Variants in STIM1 observed in about 807,000 individuals in gnomAD.
STIM1 encodes stromal interaction molecule 1.
A neutral mutation model predicts 74.7 loss-of-function variants in STIM1; 25 were observed. The observed-to-expected ratio is 0.33, with a 90% CI of 0.24 to 0.47. STIM1 has a LOEUF of 0.47. Ranked by LOEUF, STIM1 falls within the 20% of genes least tolerant of loss-of-function variation. The pLI, the probability that STIM1 is intolerant of heterozygous loss-of-function variation, is 1.00. For missense variants in STIM1, 728 were observed against 920.8 expected (o/e 0.79, Z 2.71); for synonymous variants, 328 against 348.8 (o/e 0.94, Z 0.66).
chr11:3,903,915 A>T (rs1011225685), intron 1 of STIM1, among the ~76,000 whole-genome samples: 2 of 152,086 alleles, frequency 1.3e-5, no homozygotes, highest in East Asian at 3.9e-4. Flanking sequence ...TGTCCTGGGA[A>T]AGGCTGGGCT....
At chr11:3,881,014 C>T (rs1004012000) in intron 1 of STIM1, among the ~76,000 whole-genome samples, 1 of 149,622 alleles carries the variant, frequency 6.7e-6, no homozygotes, top group African/African-American at 2.5e-5. Context: ...CCTGAAGAGG[C>T]AGGAAGGGGC....
chr11:3,912,753 T>C (rs1345980625), intron 1 of STIM1, among the ~76,000 whole-genome samples: 1 of 152,210 alleles, frequency 6.6e-6, no homozygotes, highest in African/African-American at 2.4e-5. Flanking sequence ...GTGGGCTCTC[T>C]CATTCTTTAT....
In STIM1 at chr11:4,092,043, T is replaced by G. The variant is rs1370723119; in HGVS notation, c.*245T>G. 1 of 578,732 alleles carries G rather than the reference T, an allele frequency of 1.7e-6. No homozygotes were observed. Among genetic ancestry groups the G allele is most frequent in the Non-Finnish European group, 3.1e-6 (1 of 323,608 alleles). The allele number at this position is 578,732 out of a possible 1,614,324, so 35.8% of individuals were successfully genotyped here. A position where few individuals can be genotyped will look rare whatever the true frequency, so the allele number is the denominator to read the frequency against. On this transcript the variant is annotated 3_prime_UTR_variant, in exon 13 of 13. Coordinates refer to ENST00000526596, the MANE Select transcript of STIM1 (RefSeq NM_001382567.1). ...CATGGGCTGCTGCTGTCACTCCCTC[T>G]CCACTTCAGTGCATGTCTTAGTTGC... is the stretch of plus-strand genomic sequence containing the variant.
intron 3 of STIM1, among the ~76,000 whole-genome samples, chr11:4,053,945 C>G (rs572160340): frequency 5.0e-4 from 76 of 152,296 alleles, no homozygotes; most frequent in African/African-American, 1.8e-3. Flanking sequence ...TCTAACAGAA[C>G]TTTCTACAAT....
At chr11:4,005,195 A>G (rs1174359096) in intron 2 of STIM1, among the ~76,000 whole-genome samples, 2 of 152,224 alleles carry the variant, frequency 1.3e-5, no homozygotes, top group Admixed American at 6.5e-5. Context: ...GGGATCTAGA[A>G]CTAGAAATAC....
chr11:4,053,022 C>A (rs148517662), intron 3 of STIM1, among the ~76,000 whole-genome samples: 2 of 152,158 alleles, frequency 1.3e-5, no homozygotes, highest in Non-Finnish European at 2.9e-5. Context: ...AAATCAAAAC[C>A]GCAATGAGAT....
chr11:3,972,619 G>T (rs1460129576), intron 2 of STIM1, among the ~76,000 whole-genome samples: 1 of 151,804 alleles, frequency 6.6e-6, no homozygotes, highest in Non-Finnish European at 1.5e-5. Flanking sequence ...TATACAATTA[G>T]TCACAAACAC....
chr11:3,894,245 C>T (rs2091986206), intron 1 of STIM1, among the ~76,000 whole-genome samples: 1 of 152,036 alleles, frequency 6.6e-6, no homozygotes, highest in African/African-American at 2.4e-5. Context: ...TTTTTACTTC[C>T]TCATATTTGT....
intron 2 of STIM1, among the ~76,000 whole-genome samples, chr11:4,019,822 A>G (rs768274174): frequency 4.6e-5 from 7 of 152,184 alleles, no homozygotes; most frequent in African/African-American, 4.8e-5. Flanking sequence ...TCTTCTAGCT[A>G]TTTTGAAATA....
At chr11:3,862,679 C>T (rs1284368041) in intron 1 of STIM1, among the ~76,000 whole-genome samples, 1 of 152,014 alleles carries the variant, frequency 6.6e-6, no homozygotes, top group Non-Finnish European at 1.5e-5. Context: ...ATCTCCTGAC[C>T]TCGTGATCTG....
chr11:3,915,312 A>G (rs2092626917), intron 1 of STIM1, among the ~76,000 whole-genome samples: 1 of 152,126 alleles, frequency 6.6e-6, no homozygotes, highest in Admixed American at 6.5e-5. Context: ...TGCATCTCGA[A>G]TTCCCGGGCT....
chr11:4,000,864 G>C (rs1170320575), intron 2 of STIM1, among the ~76,000 whole-genome samples: 1 of 151,954 alleles, frequency 6.6e-6, no homozygotes, highest in African/African-American at 2.4e-5. Flanking sequence ...TGTATAACTA[G>C]AATAACCAAT....
chr11:4,009,082 G>T (rs2093809892), intron 2 of STIM1, among the ~76,000 whole-genome samples: 1 of 145,096 alleles, frequency 6.9e-6, no homozygotes, highest in Admixed American at 7.0e-5. Context: ...ACGAGGTCAG[G>T]AGATCGAGAC....
At chr11:3,888,113 G>A (rs2091784181) in intron 1 of STIM1, 1 of 152,378 alleles carries the variant, frequency 6.6e-6, no homozygotes, top group East Asian at 1.9e-4. Context: ...ATGAAGCCTG[G>A]GAGGTGCCAG....
chr11:3,927,470 C>G (rs2092803001), intron 1 of STIM1, among the ~76,000 whole-genome samples: 1 of 152,192 alleles, frequency 6.6e-6, no homozygotes, highest in Non-Finnish European at 1.5e-5. Context: ...ATTTATTACC[C>G]TTTCCTGTGT....
intron 1 of STIM1, among the ~76,000 whole-genome samples, chr11:3,965,684 T>C (rs2093333192): frequency 1.3e-5 from 2 of 152,234 alleles, no homozygotes; most frequent in Non-Finnish European, 2.9e-5. Flanking sequence ...TTTGTATGCA[T>C]ACTGTTTATC....
chr11:4,061,902 G>A (rs2094333608), intron 5 of STIM1, among the ~76,000 whole-genome samples: 2 of 152,172 alleles, frequency 1.3e-5, no homozygotes, highest in African/African-American at 4.8e-5. Flanking sequence ...CATATTATAT[G>A]ATTCTGTTAA....
chr11:3,869,291 C>T (rs1382768745), intron 1 of STIM1, among the ~76,000 whole-genome samples: 1 of 152,174 alleles, frequency 6.6e-6, no homozygotes, highest in Admixed American at 6.5e-5. Context: ...TTTATCAGGA[C>T]TGGGCTAGGT....
chr11:3,909,134 A>G (rs2135470358), intron 1 of STIM1, among the ~76,000 whole-genome samples: 1 of 152,230 alleles, frequency 6.6e-6, no homozygotes, highest in East Asian at 1.9e-4. Context: ...AATCATTCCC[A>G]AGGTATACTG....
Sources: allele counts gnomAD v4.1 joint callset (sites outside exome capture counted in the v4.1 genomes callset), GRCh38; gene constraint gnomAD v4.1.1; transcripts MANE v1.5; gene names NCBI Gene and HGNC (gene_info 2026-07-23, HGNC 2026-07-21).